The following ADAMTS12 variants were observed in gnomAD, a reference collection of about 807,000 sequenced individuals.
ADAMTS12 encodes ADAM metallopeptidase with thrombospondin type 1 motif 12.
ADAMTS12 carries 118 observed loss-of-function variants against 167.8 expected under a neutral mutation model. The ratio of observed to expected loss-of-function variants is 0.70; its 90% confidence interval spans 0.61 to 0.82. The LOEUF (loss-of-function observed/expected upper bound fraction) is 0.82. ADAMTS12 is among the 40% of genes least tolerant of loss of function. ADAMTS12 has a pLI of 0.00. For missense variants in ADAMTS12, 1,916 were observed against 1,998.8 expected, an observed-to-expected ratio of 0.96 and a Z score of 0.79; for synonymous variants, 704 against 716.9, an observed-to-expected ratio of 0.98 and a Z score of 0.29.
At chr5:33,723,548 G>A (rs142868279) in intron 3 of ADAMTS12, among the ~76,000 whole-genome samples, 3 of 152,302 alleles carry the variant, frequency 2.0e-5, no homozygotes, top group Admixed American at 2.0e-4. Flanking sequence ...AATCAAAAGA[G>A]CTGGGGTACA....
intron 2 of ADAMTS12, among the ~76,000 whole-genome samples, chr5:33,852,013 T>C (rs1409938885): frequency 1.3e-5 from 2 of 152,210 alleles, no homozygotes; most frequent in Non-Finnish European, 2.9e-5. Flanking sequence ...CTGTAGAGGT[T>C]GGAAAAGATA....
Position 33,534,896 on chromosome 5 carries a change from C to T in ADAMTS12, c.4543G>A (p.Asp1515Asn). ...AATTCTGGAGGTCTGGGTTTGTGAT[C>T]ACATAGACATTGGTCTTGGTCTTCA... is the stretch of plus-strand genomic sequence containing the variant. ...KTEDQDQCLCDHKPRPPEFKK... is the reference protein window; with the variant it reads ...KTEDQDQCLCNHKPRPPEFKK... The change falls in exon 23 of 24, where the codon GAT becomes AAT. Residue 1515 changes from aspartate (D) to asparagine (N), a missense_variant. Transcript: ENST00000504830. 6.2e-7 allele frequency: 1 copy of T among 1,614,114 alleles called. No individual in the cohort carries two copies. The highest frequency in any genetic ancestry group is 8.5e-7 in the Non-Finnish European group (1 of 1,180,016).
At chr5:33,830,573 G>A (rs969558213) in intron 2 of ADAMTS12, among the ~76,000 whole-genome samples, 4 of 152,132 alleles carry the variant, frequency 2.6e-5, no homozygotes, top group African/African-American at 7.2e-5. Flanking sequence ...AGGATCGCTT[G>A]AGCTCAGGAG....
chr5:33,651,646 A>C (rs577736545), intron 7 of ADAMTS12, among the ~76,000 whole-genome samples: 3 of 152,204 alleles, frequency 2.0e-5, no homozygotes, highest in Admixed American at 2.0e-4. Context: ...GTTTTTTTCT[A>C]TTCTTTATTT....
chr5:33,702,942 C>A (rs552951508), intron 3 of ADAMTS12, among the ~76,000 whole-genome samples: 11 of 152,282 alleles, frequency 7.2e-5, no homozygotes, highest in African/African-American at 2.2e-4. Context: ...ATTCTACAGG[C>A]AAAACCATGG....
intron 3 of ADAMTS12, among the ~76,000 whole-genome samples, chr5:33,699,080 C>T (rs547789909): frequency 6.6e-6 from 1 of 152,266 alleles, no homozygotes; most frequent in East Asian, 1.9e-4. Context: ...TTGCTTGAAT[C>T]CAGGAGGCGG....
Position 33,881,402 on chromosome 5 carries a change from T to C in ADAMTS12, c.206A>G (p.Tyr69Cys), listed in dbSNP as rs761411568. The C allele has an allele frequency of 1.9e-6, 3 of 1,614,094 alleles. No homozygotes were observed. The highest frequency in any genetic ancestry group is 1.7e-5 in the Admixed American group (1 of 60,024). ...RVDASGHFLS[Y>C]GLHYPITSSR... Reference sequence around the variant, plus strand: ...GCTCGTGATGGGATAGTGCAAGCCATATGACAAAAAATGCCCACTGGCATC... The same window carrying C: ...GCTCGTGATGGGATAGTGCAAGCCACATGACAAAAAATGCCCACTGGCATC... The change falls in exon 2 of 24, where the codon TAT becomes TGT. Residue 69 changes from tyrosine to cysteine, a missense_variant. Tyr to Cys is a radical substitution (Grantham distance 194). Coordinates refer to ENST00000504830, the MANE Select transcript of ADAMTS12 (RefSeq NM_030955.4).
chr5:33,803,108 C>T (rs977850572), intron 2 of ADAMTS12, among the ~76,000 whole-genome samples: 1 of 150,614 alleles, frequency 6.6e-6, no homozygotes, highest in East Asian at 1.9e-4. Flanking sequence ...TAGGAAAAGA[C>T]TCATACATGA....
At chr5:33,833,382 A>G (rs1748381178) in intron 2 of ADAMTS12, among the ~76,000 whole-genome samples, 1 of 152,204 alleles carries the variant, frequency 6.6e-6, no homozygotes, top group African/African-American at 2.4e-5. Context: ...TCATTGCAAC[A>G]TGAATTCTCA....
At chr5:33,690,755 C>T (rs4866364) in intron 3 of ADAMTS12, among the ~76,000 whole-genome samples, 151,568 of 152,174 alleles carry the variant, frequency 1, 75,487 homozygotes, top group Middle Eastern at 1. Flanking sequence ...TTATATTAAA[C>T]ACATTATTAT....
chr5:33,543,315 A>C (rs1164357063), intron 22 of ADAMTS12, among the ~76,000 whole-genome samples: 1 of 152,218 alleles, frequency 6.6e-6, no homozygotes, highest in African/African-American at 2.4e-5. Flanking sequence ...TAAACCAGGA[A>C]GAAGATGAAT....
At chr5:33,783,015 T>G (rs1311625343) in intron 2 of ADAMTS12, among the ~76,000 whole-genome samples, 1 of 152,044 alleles carries the variant, frequency 6.6e-6, no homozygotes. Flanking sequence ...GTAGACCATA[T>G]GCTAGGCTAT....
chr5:33,812,450 T>C (rs1579957262), intron 2 of ADAMTS12, among the ~76,000 whole-genome samples: 1 of 152,194 alleles, frequency 6.6e-6, no homozygotes, highest in South Asian at 2.1e-4. Context: ...ACAGAGAACA[T>C]ACCAAGTTAC....
intron 12 of ADAMTS12, among the ~76,000 whole-genome samples, chr5:33,631,188 G>C (rs1739910055): frequency 6.6e-6 from 1 of 152,178 alleles, no homozygotes; most frequent in African/African-American, 2.4e-5. Flanking sequence ...TGTAAACAAT[G>C]ACTTCTTTCT....
At chr5:33,573,579 T>G (rs1020866694) in intron 19 of ADAMTS12, among the ~76,000 whole-genome samples, 2 of 152,170 alleles carry the variant, frequency 1.3e-5, no homozygotes, top group African/African-American at 4.8e-5. Context: ...TCCTTACACC[T>G]TATACAAAAA....
chr5:33,842,452 A>G (rs1748779850), intron 2 of ADAMTS12, among the ~76,000 whole-genome samples: 1 of 152,238 alleles, frequency 6.6e-6, no homozygotes, highest in Admixed American at 6.5e-5. Context: ...GCAGCTTTCC[A>G]CAAAGGGAGG....
chr5:33,751,596 C>A, intron 2 of ADAMTS12, 48 bp from the exon 3 acceptor site: 2 of 1,587,594 alleles, frequency 1.3e-6, no homozygotes, highest in South Asian at 1.1e-5. Context: ...ATTCTACATA[C>A]CTACTAAAAA....
intron 18 of ADAMTS12, among the ~76,000 whole-genome samples, chr5:33,585,001 A>T (rs1223427158): frequency 6.6e-6 from 1 of 152,124 alleles, no homozygotes; most frequent in Non-Finnish European, 1.5e-5. Flanking sequence ...AGGATGCACT[A>T]GTCAAACATT....
intron 5 of ADAMTS12, among the ~76,000 whole-genome samples, chr5:33,673,868 T>C (rs369225832): frequency 9.3e-5 from 2 of 21,594 alleles, no homozygotes; most frequent in African/African-American, 1.5e-4. Context: ...TCTTACCCCC[T>C]TTAACCCATT....
Sources: gnomAD v4.1 joint callset for allele counts (sites outside exome capture counted in the v4.1 genomes callset) on GRCh38, gnomAD v4.1.1 for gene constraint, MANE v1.5 for transcripts, NCBI Gene and HGNC (gene_info 2026-07-23, HGNC 2026-07-21) for gene names.